Variants in COL6A6 observed in about 807,000 individuals in gnomAD.
COL6A6 encodes the protein collagen alpha-6(VI) chain.
A neutral mutation model predicts 208.6 loss-of-function variants in COL6A6; 183 were observed. The ratio of observed to expected loss-of-function variants is 0.88; its 90% confidence interval spans 0.78 to 0.99. COL6A6 has a LOEUF of 0.99. COL6A6 is among the 50% of genes least tolerant of loss of function. The probability of loss-of-function intolerance (pLI) is 0.00; values close to 1 mark genes in which losing one functional copy is unlikely to be tolerated. For missense variants in COL6A6, 2,816 were observed against 2,815.2 expected, an observed-to-expected ratio of 1.00 and a Z score of -0.01; for synonymous variants, 973 against 1,011.8, an observed-to-expected ratio of 0.96 and a Z score of 0.73.
At chr3:130,603,554 G>T (rs1225806077) in intron 20 of COL6A6, among the ~76,000 whole-genome samples, 1 of 152,154 alleles carries the variant, frequency 6.6e-6, no homozygotes, top group African/African-American at 2.4e-5. Context: ...AAGAAAGGGG[G>T]AGCGTCTCTG....
In COL6A6 at chr3:130,642,982, T is replaced by G. The variant is rs1450815788; in HGVS notation, c.5191-5T>G. On this transcript the variant is annotated splice_polypyrimidine_tract_variant and splice_region_variant and intron_variant, in intron 30 of 36. Coordinates refer to ENST00000358511, the MANE Select transcript of COL6A6 (RefSeq NM_001102608.3). ...AATTGTTTCTGTTTTATTTTCGAAC[T>G]GCAGACATGTGAGCTCATTCAGTAT... 1 of 1,613,800 alleles carries G rather than the reference T, an allele frequency of 6.2e-7. No homozygotes were observed. Among genetic ancestry groups the G allele is most frequent in the Non-Finnish European group, 8.5e-7 (1 of 1,179,826 alleles).
rs140298175 is a variant in COL6A6, at chr3:130,655,623, G to T, written c.5734-3053G>T. 9.3e-3 allele frequency among the ~76,000 whole-genome samples: 1,409 copies of T among 152,298 alleles called. 30 individuals are homozygous for T. Among genetic ancestry groups the T allele is most frequent in the African/African-American group, 0.031 (1,295 of 41,556 alleles). ...ATTTACCTGGTCACTTGGTGCGCCT[G>T]GGAGTCACTGGAAGTCTACTTTGGA... On this transcript the variant is annotated intron_variant, in intron 33 of 36. Transcript: ENST00000358511.
At chr3:130,555,470 C>T (rs1471884442) in intron 1 of COL6A6, among the ~76,000 whole-genome samples, 1 of 152,188 alleles carries the variant, frequency 6.6e-6, no homozygotes, top group African/African-American at 2.4e-5. Context: ...CCCTTGCTAA[C>T]AAATGATCCC....
intron 33 of COL6A6, among the ~76,000 whole-genome samples, chr3:130,652,431 G>A (rs2065671070): frequency 6.6e-6 from 1 of 152,206 alleles, no homozygotes; most frequent in African/African-American, 2.4e-5. Context: ...GACTTGCTAT[G>A]GAGTCAGAGA....
At chr3:130,611,506 T>C (rs1057431437) in intron 23 of COL6A6, among the ~76,000 whole-genome samples, 3 of 152,230 alleles carry the variant, frequency 2.0e-5, no homozygotes, top group Non-Finnish European at 2.9e-5. Flanking sequence ...GATAGGACTT[T>C]GTCTTATTAC....
intron 1 of COL6A6, among the ~76,000 whole-genome samples, chr3:130,532,498 C>G: frequency 6.6e-6 from 1 of 152,120 alleles, no homozygotes; most frequent in East Asian, 1.9e-4. Context: ...TTTGTGTTCC[C>G]AGGGGCTGGT....
At chr3:130,639,554 G>A (rs930473923) in intron 28 of COL6A6, among the ~76,000 whole-genome samples, 1 of 152,080 alleles carries the variant, frequency 6.6e-6, no homozygotes, top group East Asian at 1.9e-4. Context: ...TTAGCCACGC[G>A]TGGTGGCATG....
At chr3:130,524,473 C>G (rs1432858644) in intron 1 of COL6A6, among the ~76,000 whole-genome samples, 1 of 152,110 alleles carries the variant, frequency 6.6e-6, no homozygotes, top group East Asian at 1.9e-4. Context: ...AAGTAACAGT[C>G]AGTATACTCA....
At chr3:130,556,727 G>T (rs2062775200) in intron 1 of COL6A6, among the ~76,000 whole-genome samples, 1 of 151,572 alleles carries the variant, frequency 6.6e-6, no homozygotes, top group African/African-American at 2.4e-5. Flanking sequence ...ATTTCTAGTG[G>T]ATTCTTTGCA....
In COL6A6 at chr3:130,657,637, G is replaced by A. The variant is rs114573040; in HGVS notation, c.5734-1039G>A. On this transcript the variant is annotated intron_variant, in intron 33 of 36. Transcript: ENST00000358511. Reference sequence around the variant, plus strand: ...TTTCAGTTAGTACGTACTAAGTTAGGTTGCAGTTGGTTACATGAGGACTCA... The same window carrying A: ...TTTCAGTTAGTACGTACTAAGTTAGATTGCAGTTGGTTACATGAGGACTCA... 2.9e-3 allele frequency among the ~76,000 whole-genome samples: 445 copies of A among 152,294 alleles called. 2 individuals are homozygous for A. The highest frequency in any genetic ancestry group is 9.8e-3 in the African/African-American group (406 of 41,556).
At position 130,661,886 on chromosome 3, in the gene COL6A6, G is replaced by A. The variant is rs199779143; in HGVS notation, c.6080G>A (p.Ser2027Asn). The change falls in exon 35 of 37, where the codon AGT becomes AAT. Residue 2027 changes from serine to asparagine, a missense_variant. Transcript: ENST00000358511. Reference protein sequence around the residue: ...PPDFLPNTQKSPVRAEFNLTT... With the variant: ...PPDFLPNTQKNPVRAEFNLTT... Reference sequence around the variant, plus strand: ...GACTTCCTACCCAACACTCAGAAGAGTCCAGTTAGAGCTGAGTTCAATCTT... The same window carrying A: ...GACTTCCTACCCAACACTCAGAAGAATCCAGTTAGAGCTGAGTTCAATCTT... 194 of 1,613,866 alleles carry A rather than the reference G, an allele frequency of 1.2e-4. No homozygotes were observed. The Middle Eastern group carries it at 2.0e-3, about 16-fold the overall frequency.
rs764140650 is a variant in COL6A6, at chr3:130,581,794, A to G, written c.3781A>G (p.Ile1261Val). 3.7e-6 allele frequency: 6 copies of G among 1,613,612 alleles called. No individual in the cohort carries two copies. The highest frequency in any genetic ancestry group is 5.1e-6 in the Non-Finnish European group (6 of 1,179,600). The change falls in exon 9 of 37, where the codon ATA becomes GTA. Residue 1261 changes from isoleucine (I) to valine (V), a missense_variant. Physicochemically the swap from Ile to Val is conservative, Grantham distance 29. Transcript: ENST00000358511. Reference protein sequence around the residue: ...SPKFEIYSENILNSLKDITVK... With the variant: ...SPKFEIYSENVLNSLKDITVK... Reference sequence around the variant, plus strand: ...CAAGTTTGAGATCTACAGTGAAAACATACTGAATAGCTTGAAGGATATAAC... The same window carrying G: ...CAAGTTTGAGATCTACAGTGAAAACGTACTGAATAGCTTGAAGGATATAAC...
intron 24 of COL6A6, among the ~76,000 whole-genome samples, chr3:130,625,989 T>G (rs1467116754): frequency 1.3e-5 from 2 of 152,214 alleles, no homozygotes; most frequent in African/African-American, 4.8e-5. Context: ...CCTGTGTTGA[T>G]TTCCCATGTA....
intron 6 of COL6A6, among the ~76,000 whole-genome samples, chr3:130,569,114 G>T (rs149618813): frequency 6.6e-5 from 10 of 152,168 alleles, no homozygotes; most frequent in Non-Finnish European, 1.5e-4. Context: ...CTACATGTGG[G>T]TTGCTGAGGC....
chr3:130,590,270 TATATATATATATATATATATATA>T (rs2063646469), intron 12 of COL6A6, among the ~76,000 whole-genome samples: 1 of 18,008 alleles, frequency 5.6e-5, no homozygotes, highest in African/African-American at 2.3e-4. Flanking sequence ...TATATATATA[TATATATATATATATATATATATA>T]TATATATTTT....
chr3:130,565,092 G>A lies in COL6A6; in HGVS notation c.760G>A (p.Glu254Lys), dbSNP rs755952049. 3.7e-6 allele frequency: 6 copies of A among 1,614,044 alleles called. No homozygotes were observed. Among genetic ancestry groups the A allele is most frequent in the Non-Finnish European group, 5.1e-6 (6 of 1,179,906 alleles). ...TGACTATCTTAAAGGATTCTTGGAA[G>A]AAAGTGTATCTGCCCTTGACATAAA... ...NFDYLKGFLE[E>K]SVSALDIKEN... The change falls in exon 4 of 37, where the codon GAA becomes AAA. Residue 254 changes from glutamate to lysine, a missense_variant. Coordinates refer to ENST00000358511, the MANE Select transcript of COL6A6 (RefSeq NM_001102608.3).
chr3:130,612,991 T>C (rs1044272883), intron 23 of COL6A6, among the ~76,000 whole-genome samples: 2 of 152,248 alleles, frequency 1.3e-5, no homozygotes, highest in African/African-American at 4.8e-5. Flanking sequence ...ACTCTGTTGA[T>C]AATTTCTTTT....
intron 27 of COL6A6, 60 bp downstream of exon 27, chr3:130,634,685 T>C: frequency 1.6e-6 from 2 of 1,270,530 alleles, no homozygotes; most frequent in Non-Finnish European, 1.1e-6. Flanking sequence ...GTTTATGAAA[T>C]GTATCCTAGG....
chr3:130,539,516 C>T lies in COL6A6; in HGVS notation c.-31-20818C>T, dbSNP rs547366888. ...GGGTGTGGTGGTGGGCGCCTATAGT[C>T]CCAGCTACTCAGGAGGCTGAGGCAG... On this transcript the variant is annotated intron_variant, in intron 1 of 36. Transcript: ENST00000358511. 2.7e-3 allele frequency among the ~76,000 whole-genome samples: 406 copies of T among 152,112 alleles called. 6 individuals carry two copies. Among genetic ancestry groups the T allele is most frequent in the African/African-American group, 9.5e-3 (395 of 41,506 alleles).
Sources: allele counts gnomAD v4.1 joint callset (sites outside exome capture counted in the v4.1 genomes callset), GRCh38; gene constraint gnomAD v4.1.1; transcripts MANE v1.5; gene names NCBI Gene and HGNC (gene_info 2026-07-23, HGNC 2026-07-21).